The following FMNL1 variants were observed in gnomAD, a reference collection of about 807,000 sequenced individuals.
FMNL1 encodes the protein formin like 1, also known as formin-like protein 1.
Under a neutral mutation model 121.3 loss-of-function variants are expected in FMNL1, and 43 were observed. That is an observed-to-expected ratio of 0.35 (90% CI 0.28 to 0.46). The LOEUF is 0.46. FMNL1 is among the 20% of genes least tolerant of loss of function. The pLI is 1.00. For missense variants in FMNL1, 1,191 were observed against 1,482.4 expected, an observed-to-expected ratio of 0.80 and a Z score of 3.23; for synonymous variants, 613 against 613.5, an observed-to-expected ratio of 1.00 and a Z score of 0.01.
At chr17:45,246,021 C>T in intron 24 of FMNL1, 48 bp downstream of exon 24, 2 of 1,517,652 alleles carry the variant, frequency 1.3e-6, no homozygotes, top group Non-Finnish European at 1.8e-6. Context: ...GGATGCATGG[C>T]ATCTCATCAC....
chr17:45,244,242 G>A lies in FMNL1; in HGVS notation c.2515G>A (p.Glu839Lys), dbSNP rs1284457108. 2 of 1,609,934 alleles carry A rather than the reference G, an allele frequency of 1.2e-6. No individual in the cohort carries two copies. ...CTCTGACAAACTCCGCCAGATCCTG[G>A]AGGTGAGGGGCCAGGAGGTGGGGCC... ...KSSDKLRQIL[E>K]IVLAFGNYMN... The change falls in exon 19 of 27, where the codon GAG (glutamate) becomes AAG (lysine). Residue 839 changes from glutamate (E) to lysine (K), a missense_variant and splice_region_variant. Transcript: ENST00000331495.
intron 15 of FMNL1, 82 bp downstream of exon 15, chr17:45,242,228 T>TCTGCCTGGGGGCCTC: frequency 6.4e-7 from 1 of 1,566,328 alleles, no homozygotes; most frequent in Non-Finnish European, 8.7e-7. Context: ...TCCAGGGTCC[T>TCTGCCTGGGGGCCTC]CTGCCTGGGG....
chr17:45,228,360 C>G (rs1443411964), intron 1 of FMNL1, among the ~76,000 whole-genome samples: 3 of 152,230 alleles, frequency 2.0e-5, no homozygotes, highest in Non-Finnish European at 4.4e-5. Flanking sequence ...CACCACTGTT[C>G]AGACAGGTGC....
rs1172913858 is a variant in FMNL1 at position 45,233,779 on chromosome 17, C to T, written c.485+48C>T. On this transcript the variant is annotated intron_variant, in intron 5 of 26. Transcript: ENST00000331495. This position sits in a 1 kb window ranked among gnomAD's most constrained non-coding sequence, Gnocchi z 4.1. ...TCATGCCGCTCCTCAGAGCTTTGAT[C>T]CCCGTCTCCCTGCATCTCACCCACT... 6.2e-7 allele frequency: 1 copy of T among 1,605,648 alleles called. No homozygotes were observed. The highest frequency in any genetic ancestry group is 1.1e-5 in the South Asian group (1 of 90,636).
chr17:45,233,594 A>C lies in FMNL1; in HGVS notation c.402-54A>C, dbSNP rs2043485772. 1.9e-6 allele frequency: 3 copies of C among 1,602,386 alleles called. No individual in the cohort carries two copies. The highest frequency in any genetic ancestry group is 2.2e-5 in the South Asian group (2 of 90,758). ...TCCTTGCTGTCCCTGTTCTGTGCCC[A>C]TGTGGGGCAGGACCTCCTTTCTGGC... On this transcript the variant is annotated intron_variant, in intron 4 of 26. Transcript: ENST00000331495. The surrounding 1 kb of genome is among the most constrained non-coding windows in gnomAD (Gnocchi z 4.1).
chr17:45,246,500 C>T lies in FMNL1; in HGVS notation c.3212-5C>T, dbSNP rs1220031843. 1.2e-6 allele frequency: 2 copies of T among 1,614,090 alleles called. No individual in the cohort carries two copies. The highest frequency in any genetic ancestry group is 1.7e-6 in the Non-Finnish European group (2 of 1,180,020). On this transcript the variant is annotated splice_polypyrimidine_tract_variant and splice_region_variant and intron_variant, in intron 25 of 26. Transcript: ENST00000331495. ...CTCCCCTTCACCTGCCCCACCCCCA[C>T]TCAGTGATCAAGACGGTGCCCTTCA...
intron 1 of FMNL1, among the ~76,000 whole-genome samples, chr17:45,224,119 A>G (rs1449594517): frequency 1.3e-5 from 2 of 152,154 alleles, no homozygotes; most frequent in South Asian, 2.1e-4. Flanking sequence ...ACCCCCTACC[A>G]GGTGCCCAGG....
intron 2 of FMNL1, 51 bp downstream of exon 2, chr17:45,230,738 C>A (rs1284777676): frequency 1.3e-6 from 2 of 1,584,286 alleles, no homozygotes; most frequent in East Asian, 2.2e-5. Flanking sequence ...GTCAGTACCC[C>A]ACCCTGACCA....
rs1011060201 is a variant in FMNL1, at chr17:45,231,669, C to T, written c.214-698C>T. Among the ~76,000 whole-genome samples, 7 of 151,914 alleles carry T rather than the reference C, an allele frequency of 4.6e-5. No individual in the cohort carries two copies. The highest frequency in any genetic ancestry group is 9.7e-5 in the African/African-American group (4 of 41,310). On this transcript the variant is annotated intron_variant, in intron 2 of 26. Transcript: ENST00000331495. The surrounding 1 kb of genome is among the most constrained non-coding windows in gnomAD (Gnocchi z 4.7). ...GTCCCTGCCTCTTTGTGTGAGTGGC[C>T]GCTGGAGCCTGCAGTGGGGTGGGGG...
chr17:45,240,482 C>T lies in FMNL1; in HGVS notation c.1087C>T (p.Arg363Trp), dbSNP rs760805391. 2 of 1,610,434 alleles carry T rather than the reference C, an allele frequency of 1.2e-6. No homozygotes were observed. The highest frequency in any genetic ancestry group is 1.7e-6 in the Non-Finnish European group (2 of 1,178,116). ...CCTTCCATCTGGGGGACAGAGGCTT[C>T]GGCTCACCGAGAGTGACAAGCTGCA... ...LGLDLYLERLRLTESDKLQVQ... is the reference protein window; with the variant it reads ...LGLDLYLERLWLTESDKLQVQ... The change falls in exon 12 of 27, where the codon CGG (arginine) becomes TGG (tryptophan). Residue 363 changes from arginine (R) to tryptophan (W), a missense_variant. By Grantham distance (101) the Arg-to-Trp change is moderately radical. Around this residue, in one of 4 missense-constraint regions of FMNL1, gnomAD observed 519 missense variants for 492.8 expected, o/e 1.05. Transcript: ENST00000331495.
rs775801071 is a variant in FMNL1, at chr17:45,236,224, C to T, written c.703C>T (p.Arg235Cys). Residue 235 changes from arginine (R) to cysteine (C), a missense_variant, in exon 7 of 27, where the codon CGC (arginine) becomes TGC (cysteine). By Grantham distance (180) the Arg-to-Cys change is radical (BLOSUM62 -3). This residue lies in a region of FMNL1 where 253 missense variants were observed against 417.5 expected (regional missense o/e 0.61). Coordinates refer to ENST00000331495, the MANE Select transcript of FMNL1 (RefSeq NM_005892.4). ...DDVHVCIMCL[R>C]AIMNYQSGFS... is the part of the protein sequence containing the mutation. The stretch of plus-strand genomic sequence containing the variant: ...CGTCCACGTCTGTATTATGTGCCTA[C>T]GCGCCATCATGAACTACCAGGTCAG... 5 of 1,613,868 alleles carry T rather than the reference C, an allele frequency of 3.1e-6. No individual in the cohort carries two copies. Among genetic ancestry groups the T allele is most frequent in the Admixed American group, 1.7e-5 (1 of 59,992 alleles).
chr17:45,240,978 A>G (rs2143534432), intron 12 of FMNL1, 151 bp from the exon 13 acceptor site: 1 of 916,382 alleles, frequency 1.1e-6, no homozygotes, highest in African/African-American at 1.7e-5. Flanking sequence ...CTTGGGTTCG[A>G]GTGCCAGGCT....
chr17:45,237,762 C>T lies in FMNL1; in HGVS notation c.894+123C>T. ...CATTGGGTGGGCATTTGGGGAACGC[C>T]CAAAAGTTGAAGTTGAGCCACATCA... On this transcript the variant is annotated intron_variant, in intron 9 of 26. Coordinates refer to ENST00000331495, the MANE Select transcript of FMNL1 (RefSeq NM_005892.4). This position sits in a 1 kb window ranked among gnomAD's most constrained non-coding sequence, Gnocchi z 4.4. 9.5e-7 allele frequency: 1 copy of T among 1,056,706 alleles called. No homozygotes were observed. Among genetic ancestry groups the T allele is most frequent in the Non-Finnish European group, 1.4e-6 (1 of 705,968 alleles). The allele number at this position is 1,056,706 out of a possible 1,614,324, so 65.5% of individuals were successfully genotyped here.
chr17:45,222,180 C>A lies in FMNL1; in HGVS notation c.56C>A (p.Pro19His). ...EQPAGPAAPP[P>H]KQPAPPKQPM... ...CCCGCGGGCCCCGCCGCGCCGCCCC[C>A]CAAGCAGCCCGCGCCTCCCAAGCAG... Residue 19 changes from proline (P) to histidine (H), a missense_variant, in exon 1 of 27, where the codon CCC becomes CAC. Physicochemically the swap from Pro to His is moderately conservative, Grantham distance 77 (BLOSUM62 -2). This residue lies in a region of FMNL1 where 52 missense variants were observed against 43.4 expected (regional missense o/e 1.20). Transcript: ENST00000331495. 10 of 1,235,000 alleles carry A rather than the reference C, an allele frequency of 8.1e-6. No individual in the cohort carries two copies. The highest frequency in any genetic ancestry group is 1.0e-5 in the Non-Finnish European group (10 of 987,506). The allele number at this position is 1,235,000 out of a possible 1,614,324, so 76.5% of individuals were successfully genotyped here. A position where few individuals can be genotyped will look rare whatever the true frequency, so the allele number is the denominator to read the frequency against.
At chr17:45,240,421 ACT>A (rs2043659907) in intron 11 of FMNL1, 53 bp from the exon 12 acceptor site, 1 of 1,495,080 alleles carries the variant, frequency 6.7e-7, no homozygotes, top group African/African-American at 1.4e-5. Flanking sequence ...GTTTGGAAAG[ACT>A]CCCCCCCACA....
chr17:45,240,555 T>C lies in FMNL1; in HGVS notation c.1160T>C (p.Leu387Pro). 6.2e-7 allele frequency: 1 copy of C among 1,613,008 alleles called. No homozygotes were observed. The highest frequency in any genetic ancestry group is 1.3e-5 in the African/African-American group (1 of 74,596). Reference protein sequence around the residue: ...YLDNIFDVGALLEDTETKNAV... With the variant: ...YLDNIFDVGAPLEDTETKNAV... ...GACAATATTTTTGATGTGGGGGCGCTGCTGGAGGACACAGAGACCAAGAAC... is the reference window on the plus strand; with the variant it reads ...GACAATATTTTTGATGTGGGGGCGCCGCTGGAGGACACAGAGACCAAGAAC... The change falls in exon 12 of 27, where the codon CTG becomes CCG. Residue 387 changes from leucine (L) to proline (P), a missense_variant. Physicochemically the swap from Leu to Pro is moderately conservative, Grantham distance 98. Around this residue, in one of 4 missense-constraint regions of FMNL1, gnomAD observed 519 missense variants for 492.8 expected, o/e 1.05. Coordinates refer to ENST00000331495, the MANE Select transcript of FMNL1 (RefSeq NM_005892.4).
chr17:45,230,037 G>A (rs1185563627), intron 1 of FMNL1, among the ~76,000 whole-genome samples: 1 of 152,210 alleles, frequency 6.6e-6, no homozygotes, highest in African/African-American at 2.4e-5. Flanking sequence ...GGCTGGAGAG[G>A]GATGAGGAGA....
At chr17:45,228,916 C>T (rs1339140286) in intron 1 of FMNL1, among the ~76,000 whole-genome samples, 1 of 152,208 alleles carries the variant, frequency 6.6e-6, no homozygotes, top group Non-Finnish European at 1.5e-5. Context: ...CCACCTTGCT[C>T]CCACCTTAGC....
rs2143366926 is a variant in FMNL1 at position 45,233,657 on chromosome 17, G to A, written c.411G>A (p.Gln137=). 6.2e-7 allele frequency: 1 copy of A among 1,614,052 alleles called. No homozygotes were observed. The highest frequency in any genetic ancestry group is 8.5e-7 in the Non-Finnish European group (1 of 1,179,980). Residue 137 remains glutamine (Q), a synonymous_variant, in exon 5 of 27, where the codon CAG becomes CAA. Coordinates refer to ENST00000331495, the MANE Select transcript of FMNL1 (RefSeq NM_005892.4). The surrounding 1 kb of genome is among the most constrained non-coding windows in gnomAD (Gnocchi z 4.1). Reference sequence around the variant, plus strand: ...AGCCCTGTGCCCACAGGTGGGTGCAGGAGTTCCTCAATGAAGAGAACCGTG... The same window carrying A: ...AGCCCTGTGCCCACAGGTGGGTGCAAGAGTTCCTCAATGAAGAGAACCGTG... ...SLRTNHIGWV[Q]EFLNEENRGL... is the part of the protein sequence containing the mutation.
Sources: allele counts gnomAD v4.1 joint callset (sites outside exome capture counted in the v4.1 genomes callset), GRCh38; gene constraint gnomAD v4.1.1; regional missense constraint gnomAD v4.1.1; non-coding constraint Gnocchi (gnomAD v3.1); transcripts MANE v1.5; gene names NCBI Gene and HGNC (gene_info 2026-07-23, HGNC 2026-07-21).